HYKK: variants seen among roughly 807,000 people sequenced by gnomAD.
HYKK encodes the protein 5-hydroxy-L-lysine kinase.
A neutral mutation model predicts 29.7 loss-of-function variants in HYKK; 19 were observed. The ratio of observed to expected loss-of-function variants is 0.64; its 90% CI spans 0.45 to 0.94. The LOEUF (loss-of-function observed/expected upper bound fraction) is 0.94. Ranked by LOEUF, HYKK falls within the 40% of genes least tolerant of loss-of-function variation. HYKK has a pLI of 0.00. For synonymous variants in HYKK, 152 were observed against 158.1 expected (o/e 0.96, Z 0.29); for missense variants, 390 against 443.4 (o/e 0.88, Z 1.08).
chr15:78,521,179 A>C (rs1367440721), intron 3 of HYKK, among the ~76,000 whole-genome samples: 13 of 152,126 alleles, frequency 8.5e-5, no homozygotes, highest in Non-Finnish European at 2.9e-5. Context: ...TGGGATCCAA[A>C]GTAGGCAGGA....
intron 3 of HYKK, chr15:78,518,915 T>TA (rs764174063): frequency 0.058 from 5,138 of 88,386 alleles, 332 homozygotes; most frequent in East Asian, 0.34. Flanking sequence ...AGACTCTGTC[T>TA]AAAAAAAAAA....
chr15:78,528,575 G>GGT lies in HYKK; in HGVS notation c.661+1014_661+1015dup, dbSNP rs2052280921. 4 of 898,492 alleles carry GGT rather than the reference G, an allele frequency of 4.5e-6. No homozygotes were observed. The Admixed American group carries it at 1.9e-4, about 42-fold the overall frequency. 55.7% of individuals were successfully genotyped at this position (898,492 alleles called of 1,614,324 possible). ...CCCAGCACTTTGGGAGGCCGAGGTG[G>GGT]GTGGATCACTTGAGGTCAGGAGTTT... is the stretch of plus-strand genomic sequence containing the variant. On this transcript the variant is annotated intron_variant, in intron 4 of 4. Transcript: ENST00000388988.
At chr15:78,514,842 A>C (rs967659326) in intron 2 of HYKK, 126 bp from the exon 3 acceptor site, 3 of 356,982 alleles carry the variant, frequency 8.4e-6, no homozygotes, top group African/African-American at 6.4e-5. Flanking sequence ...TCTTTTCAGT[A>C]ATACTTGCAG....
At chr15:78,517,109 C>CTTTTTTTTT (rs34680285) in intron 3 of HYKK, among the ~76,000 whole-genome samples, 39 of 108,416 alleles carry the variant, frequency 3.6e-4, no homozygotes, top group Non-Finnish European at 6.2e-4. Context: ...TTCTTTCTTT[C>CTTTTTTTTT]TTTTTTTTTT....
At chr15:78,529,577 A>C (rs757226528) in intron 4 of HYKK, among the ~76,000 whole-genome samples, 1 of 152,200 alleles carries the variant, frequency 6.6e-6, no homozygotes, top group Non-Finnish European at 1.5e-5. Context: ...AATTTTTCTC[A>C]ATCTGATTTG....
At chr15:78,520,086 T>C (rs770042634) in intron 3 of HYKK, among the ~76,000 whole-genome samples, 6 of 152,226 alleles carry the variant, frequency 3.9e-5, no homozygotes, top group Non-Finnish European at 8.8e-5. Context: ...CTTTAAGTTG[T>C]CTTACAGAGG....
chr15:78,515,876 C>T (rs2052128195), intron 3 of HYKK, among the ~76,000 whole-genome samples: 1 of 152,160 alleles, frequency 6.6e-6, no homozygotes, highest in African/African-American at 2.4e-5. Flanking sequence ...GCGTGAGCCA[C>T]TGTGGCCAGC....
chr15:78,523,321 G>C (rs2052217262), intron 3 of HYKK, among the ~76,000 whole-genome samples: 1 of 152,096 alleles, frequency 6.6e-6, no homozygotes, highest in Non-Finnish European at 1.5e-5. Context: ...AGCAAGCCGG[G>C]GGTGCTGCAT....
At chr15:78,513,559 A>G (rs1049490051) in intron 2 of HYKK, 134 bp downstream of exon 2, 4 of 661,332 alleles carry the variant, frequency 6.0e-6, no homozygotes, top group East Asian at 2.7e-5. Flanking sequence ...TAGCACCTCA[A>G]TAGTACACCC....
intron 4 of HYKK, chr15:78,528,671 C>T (rs557578163): frequency 3.5e-4 from 113 of 323,292 alleles, no homozygotes; most frequent in African/African-American, 2.2e-4. Context: ...GGCATGGTGA[C>T]GCGTGCCTGT....
At position 78,527,415 on chromosome 15, in the gene HYKK, G is replaced by C. The variant is rs951135615; in HGVS notation, c.513G>C (p.Arg171=). The C allele has an allele frequency of 1.9e-6, 3 of 1,613,978 alleles. No individual in the cohort carries two copies. In the Admixed American group the frequency reaches 5.0e-5, roughly 27 times the overall value. ...ACCCAAAGTTAAGTAGTCTTCATCG[G>C]GAGAACTTCATCTGGAATCTGAAAA... The part of the protein sequence containing the change: ...FHHPKLSSLH[R]ENFIWNLKNV... Residue 171 remains arginine, a synonymous_variant, in exon 4 of 5, where the codon CGG becomes CGC. Transcript: ENST00000388988.
At chr15:78,529,579 T>C (rs1209492995) in intron 4 of HYKK, among the ~76,000 whole-genome samples, 1 of 152,244 alleles carries the variant, frequency 6.6e-6, no homozygotes, top group African/African-American at 2.4e-5. Context: ...TTTTTCTCAA[T>C]CTGATTTGTA....
rs1596025717 is a variant in HYKK, at chr15:78,509,996, G to A, written c.-6+2325G>A. On this transcript the variant is annotated intron_variant, in intron 1 of 4. Coordinates refer to ENST00000388988, the MANE Select transcript of HYKK (RefSeq NM_001013619.4). ...CTGGAGCAATCACTTTGGGTAGGAG[G>A]ATCAGGGAAGGCCATGGCAGGGGCT... Among the ~76,000 whole-genome samples the A allele has an allele frequency of 2.0e-5, 3 of 152,360 alleles. 1 individual carries two copies. The South Asian group carries it at 6.2e-4, about 32-fold the overall frequency.
rs760215371 is a variant in HYKK, at chr15:78,527,518, C to G, written c.616C>G (p.Leu206Val). 11 of 1,614,136 alleles carry G rather than the reference C, an allele frequency of 6.8e-6. No individual in the cohort carries two copies. The South Asian group carries it at 1.2e-4, about 18-fold the overall frequency. ...AGAGATTGTTGAGCATGTCATTCAT[C>G]TGTTCAAGGAGGAAGTAATGACCAA... Reference protein sequence around the residue: ...NREIVEHVIHLFKEEVMTKLS... With the variant: ...NREIVEHVIHVFKEEVMTKLS... Residue 206 changes from leucine to valine, a missense_variant, in exon 4 of 5, where the codon CTG becomes GTG. Physicochemically the swap from Leu to Val is conservative, Grantham distance 32. Transcript: ENST00000388988.
intron 4 of HYKK, chr15:78,528,385 C>T (rs929298594): frequency 5.1e-6 from 5 of 981,488 alleles, no homozygotes; most frequent in Non-Finnish European, 6.1e-6. Context: ...GTCCCTGATG[C>T]CAAAAAGGTT....
downstream of HYKK, among the ~76,000 whole-genome samples, chr15:78,537,063 A>G (rs1253913963): frequency 6.6e-6 from 1 of 152,186 alleles, no homozygotes; most frequent in Non-Finnish European, 1.5e-5. Context: ...ACTGAGTTAC[A>G]CCATCATCTC....
intron 3 of HYKK, chr15:78,518,753 A>C: frequency 3.0e-6 from 1 of 328,714 alleles, no homozygotes; most frequent in South Asian, 2.1e-5. Context: ...CCCATCTACT[A>C]AAAATACAAA....
intron 4 of HYKK, among the ~76,000 whole-genome samples, chr15:78,530,130 C>A (rs1040070022): frequency 1.5e-4 from 23 of 152,048 alleles, no homozygotes; most frequent in African/African-American, 5.3e-4. Context: ...CCGCACCAGG[C>A]CCCTGTTATT....
chr15:78,524,417 T>C (rs1416569900), intron 3 of HYKK, among the ~76,000 whole-genome samples: 1 of 152,220 alleles, frequency 6.6e-6, no homozygotes, highest in Non-Finnish European at 1.5e-5. Context: ...CAAGGCTGTG[T>C]AGGGCAGCAG....
Sources: gnomAD v4.1 joint callset for allele counts (sites outside exome capture counted in the v4.1 genomes callset) on GRCh38, gnomAD v4.1.1 for gene constraint, MANE v1.5 for transcripts, NCBI Gene and HGNC (gene_info 2026-07-23, HGNC 2026-07-21) for gene names.